Variants in COA1 observed in about 807,000 individuals in gnomAD.
COA1 encodes cytochrome c oxidase assembly factor 1, also known as cytochrome c oxidase assembly factor 1 homolog.
A neutral mutation model predicts 16.0 loss-of-function variants in COA1; 13 were observed. The ratio of observed to expected loss-of-function variants is 0.81; its 90% CI spans 0.53 to 1.29. COA1 has a LOEUF of 1.29. Among genes scored for constraint, COA1 ranks in the 50% most tolerant of loss-of-function variants. The pLI, the probability that COA1 is intolerant of heterozygous loss-of-function variation, is 0.00. For synonymous variants in COA1, 65 were observed against 65.7 expected, an observed-to-expected ratio of 0.99 and a Z score of 0.05; for missense variants, 179 against 177.0, an observed-to-expected ratio of 1.01 and a Z score of -0.06.
chr7:43,623,537 CA>C (rs2084147694), intron 6 of COA1: 1 of 1,589,632 alleles, frequency 6.3e-7, no homozygotes, highest in African/African-American at 1.4e-5. Flanking sequence ...TTTTTTTCCA[CA>C]AAACTAAATG....
intron 4 of COA1, among the ~76,000 whole-genome samples, chr7:43,644,813 G>A (rs931278195): frequency 6.6e-6 from 1 of 150,436 alleles, no homozygotes; most frequent in Non-Finnish European, 1.5e-5. Context: ...GAGAGAGAGA[G>A]AGAGAGAGAG....
At chr7:43,643,816 A>G (rs775475585) in intron 4 of COA1, among the ~76,000 whole-genome samples, 3 of 152,174 alleles carry the variant, frequency 2.0e-5, no homozygotes, top group Non-Finnish European at 4.4e-5. Flanking sequence ...TTCTTTTAAA[A>G]CCGAATATTT....
intron 6 of COA1, chr7:43,625,742 A>C (rs1025619250): frequency 7.8e-6 from 1 of 128,168 alleles, no homozygotes; most frequent in African/African-American, 3.5e-5. Context: ...AGTGAGTAAA[A>C]TCCCCTAGAG....
At chr7:43,659,807 C>T (rs1584579688) in intron 1 of COA1, among the ~76,000 whole-genome samples, 2 of 152,050 alleles carry the variant, frequency 1.3e-5, no homozygotes, top group African/African-American at 4.8e-5. Context: ...GAATTGTGTC[C>T]TCCCAAAATT....
intron 3 of COA1, chr7:43,646,727 C>T: frequency 2.4e-6 from 1 of 418,244 alleles, no homozygotes; most frequent in Non-Finnish European, 4.9e-6. Context: ...ACGCTCATCT[C>T]AGGCCCCCTC....
intron 1 of COA1, among the ~76,000 whole-genome samples, chr7:43,684,505 G>C (rs2093923698): frequency 6.6e-6 from 1 of 152,140 alleles, no homozygotes; most frequent in South Asian, 2.1e-4. Flanking sequence ...TGCCTTTTCT[G>C]ACTTAGCCTC....
intron 1 of COA1, among the ~76,000 whole-genome samples, chr7:43,678,130 T>G (rs2093617430): frequency 6.6e-6 from 1 of 152,162 alleles, no homozygotes; most frequent in African/African-American, 2.4e-5. Flanking sequence ...GAGATGAACC[T>G]TCCTGTTGAA....
intron 1 of COA1, among the ~76,000 whole-genome samples, chr7:43,700,556 GTA>G (rs1403355402): frequency 7.2e-6 from 1 of 137,960 alleles, no homozygotes; most frequent in African/African-American, 2.7e-5. Context: ...ATACATACAC[GTA>G]TATATATGTA....
At chr7:43,716,251 GA>G (rs1353488169) in intron 1 of COA1, among the ~76,000 whole-genome samples, 2 of 152,156 alleles carry the variant, frequency 1.3e-5, no homozygotes, top group Non-Finnish European at 2.9e-5. Context: ...AAGAAGACAC[GA>G]AAATGTGGGA....
intron 1 of COA1, among the ~76,000 whole-genome samples, chr7:43,700,527 CAG>C (rs1491040829): frequency 5.8e-5 from 8 of 139,118 alleles, no homozygotes; most frequent in East Asian, 2.0e-4. Context: ...AAAATGTAGG[CAG>C]ATATATATAT....
chr7:43,647,465 T>C, intron 3 of COA1, 70 bp downstream of exon 3: 1 of 1,026,398 alleles, frequency 9.7e-7, no homozygotes, highest in Non-Finnish European at 1.6e-6. Flanking sequence ...ATCTCAAGTA[T>C]TTCCTCTGAT....
chr7:43,691,327 AAG>A (rs1248064953), intron 1 of COA1, among the ~76,000 whole-genome samples: 150 of 90,406 alleles, frequency 1.7e-3, no homozygotes, highest in Non-Finnish European at 2.6e-3. Flanking sequence ...GAAAGAAAGA[AAG>A]AGAAAGAGAG....
intron 1 of COA1, among the ~76,000 whole-genome samples, chr7:43,721,278 G>T (rs2095500348): frequency 6.6e-6 from 1 of 152,186 alleles, no homozygotes; most frequent in Admixed American, 6.5e-5. Context: ...AATTTCAATA[G>T]TTAAATGTCA....
At chr7:43,690,831 T>C (rs1360572719) in intron 1 of COA1, among the ~76,000 whole-genome samples, 1 of 151,884 alleles carries the variant, frequency 6.6e-6, no homozygotes, top group Admixed American at 6.6e-5. Flanking sequence ...GACTAATGTC[T>C]CTCAGATCTA....
chr7:43,661,849 C>G (rs28375647), intron 1 of COA1, among the ~76,000 whole-genome samples: 18,014 of 152,066 alleles, frequency 0.12, 1,143 homozygotes, highest in Admixed American at 0.19. Flanking sequence ...GTATCTACCA[C>G]CAAATAAATA....
chr7:43,657,298 T>C (rs958020267), intron 1 of COA1: 2 of 152,194 alleles, frequency 1.3e-5, no homozygotes, highest in East Asian at 3.8e-4. Flanking sequence ...GTGTATAGAT[T>C]AGCAATTACA....
intron 6 of COA1, among the ~76,000 whole-genome samples, chr7:43,631,001 A>G (rs1287641587): frequency 2.6e-5 from 4 of 151,992 alleles, no homozygotes; most frequent in Non-Finnish European, 4.4e-5. Flanking sequence ...AGGAAAGTCT[A>G]TTGTATTTAC....
chr7:43,637,679 G>T (rs2086132789), downstream of COA1, among the ~76,000 whole-genome samples: 1 of 152,126 alleles, frequency 6.6e-6, no homozygotes, highest in African/African-American at 2.4e-5. Flanking sequence ...CACCCATAAA[G>T]GCATTAAGTG....
chr7:43,633,178 A>G lies in COA1; in HGVS notation c.*133+6271T>C, dbSNP rs2085339119. On this transcript the variant is annotated intron_variant and NMD_transcript_variant, in intron 6 of 6. Coordinates refer to the COA1 transcript ENST00000415076. Reference sequence around the variant, plus strand: ...TCTGTTGTTTAGTGTAGCCACTTTCATCGATGGTCCAAGCTAGATCTTCTG... The same window carrying G: ...TCTGTTGTTTAGTGTAGCCACTTTCGTCGATGGTCCAAGCTAGATCTTCTG... 3.9e-5 allele frequency: 6 copies of G among 152,216 alleles called. No individual in the cohort carries two copies. In the South Asian group the frequency reaches 1.2e-3, roughly 32 times the overall value. The allele number at this position is 152,216 out of a possible 1,614,324, so 9.4% of individuals were successfully genotyped here. A position where few individuals can be genotyped will look rare whatever the true frequency, so the allele number is the denominator to read the frequency against.
Sources: gnomAD v4.1 joint callset for allele counts (sites outside exome capture counted in the v4.1 genomes callset) on GRCh38, gnomAD v4.1.1 for gene constraint, MANE v1.5 for transcripts, NCBI Gene and HGNC (gene_info 2026-07-23, HGNC 2026-07-21) for gene names.